Variants in CSMD1 observed in about 807,000 individuals in gnomAD.
CSMD1 encodes CUB and sushi domain-containing protein 1.
A neutral mutation model predicts 417.5 loss-of-function variants in CSMD1; 213 were observed. That is an observed-to-expected ratio of 0.51 (90% CI 0.46 to 0.57). The LOEUF (loss-of-function observed/expected upper bound fraction) is 0.57, where lower values mean the gene tolerates loss of function less well. Among genes scored for constraint, CSMD1 ranks in the 20% least tolerant of loss-of-function variants. CSMD1 has a pLI of 0.00. For synonymous variants in CSMD1, 2,862 were observed against 1,736.8 expected (o/e 1.65, Z -16.11); for missense variants, 6,923 against 4,529.7 (o/e 1.53, Z -15.17).
chr8:4,469,795 C>G (rs896782154), intron 2 of CSMD1, among the ~76,000 whole-genome samples: 3 of 152,108 alleles, frequency 2.0e-5, no homozygotes, highest in South Asian at 4.1e-4. Context: ...CCTCTGCTTA[C>G]AGCCTTCTCA....
chr8:3,000,663 T>G (rs576704257), intron 52 of CSMD1, among the ~76,000 whole-genome samples: 6 of 152,184 alleles, frequency 3.9e-5, no homozygotes, highest in Non-Finnish European at 8.8e-5. Context: ...AGCTGATGTC[T>G]GAGTAAAAAT....
At chr8:4,131,284 C>T (rs571854315) in intron 3 of CSMD1, among the ~76,000 whole-genome samples, 1 of 151,980 alleles carries the variant, frequency 6.6e-6, no homozygotes, top group Non-Finnish European at 1.5e-5. Context: ...ACTGAAGAGG[C>T]TGAATCTACA....
At chr8:3,121,807 C>T (rs147307006) in intron 41 of CSMD1, among the ~76,000 whole-genome samples, 2 of 151,948 alleles carry the variant, frequency 1.3e-5, no homozygotes, top group African/African-American at 4.8e-5. Context: ...TCATAAAAAG[C>T]AAGCAGACAA....
At chr8:4,567,506 A>C (rs1464560354) in intron 2 of CSMD1, among the ~76,000 whole-genome samples, 2 of 152,162 alleles carry the variant, frequency 1.3e-5, no homozygotes, top group Non-Finnish European at 2.9e-5. Flanking sequence ...TCCCACTCCA[A>C]CTTAGAAATC....
rs1208930261 is a variant in CSMD1 at position 4,146,593 on chromosome 8, C to CTT, written c.416-114495_416-114494insAA. On this transcript the variant is annotated intron_variant, in intron 3 of 69. Transcript: ENST00000635120. ...ATCTGTCTAAATGTTTATATGGACACATTTTTTTTTTTTTTTTTTTTTTTT... is the reference window on the plus strand; with the variant it reads ...ATCTGTCTAAATGTTTATATGGACACTTATTTTTTTTTTTTTTTTTTTTTTTT... 1.3e-3 allele frequency among the ~76,000 whole-genome samples: 117 copies of CTT among 90,758 alleles called. 23 individuals carry two copies. Among genetic ancestry groups the CTT allele is most frequent in the Admixed American group, 6.2e-3 (42 of 6,790 alleles). 59.5% of individuals were successfully genotyped at this position (90,758 alleles called of 152,430 possible). A position where few individuals can be genotyped will look rare whatever the true frequency, so the allele number is the denominator to read the frequency against.
At chr8:4,902,141 G>C (rs1466205937) in intron 1 of CSMD1, among the ~76,000 whole-genome samples, 4 of 152,112 alleles carry the variant, frequency 2.6e-5, no homozygotes, top group South Asian at 4.2e-4. Flanking sequence ...TTGTTAAAAA[G>C]AAAAATGCCT....
intron 2 of CSMD1, among the ~76,000 whole-genome samples, chr8:4,541,198 G>C (rs1797367659): frequency 6.6e-6 from 1 of 152,196 alleles, no homozygotes; most frequent in East Asian, 1.9e-4. Flanking sequence ...TGCATCTAGG[G>C]ACTGGAAGTC....
At chr8:3,800,628 G>A (rs1227694997) in intron 5 of CSMD1, among the ~76,000 whole-genome samples, 1 of 152,150 alleles carries the variant, frequency 6.6e-6, no homozygotes, top group Admixed American at 6.6e-5. Flanking sequence ...CCTAGAAGAG[G>A]TATTTGGGTT....
intron 18 of CSMD1, among the ~76,000 whole-genome samples, chr8:3,384,891 AATAT>A (rs1182629557): frequency 8.2e-6 from 1 of 122,290 alleles, no homozygotes; most frequent in Admixed American, 9.5e-5. Flanking sequence ...GCAAATATAT[AATAT>A]ATATTATATA....
chr8:4,117,653 C>T (rs1326950981), intron 3 of CSMD1, among the ~76,000 whole-genome samples: 1 of 152,194 alleles, frequency 6.6e-6, no homozygotes, highest in Non-Finnish European at 1.5e-5. Context: ...GCCCGCACTT[C>T]TGGGTGCCAA....
chr8:3,305,266 A>AGTGTT (rs985588229), intron 25 of CSMD1, among the ~76,000 whole-genome samples: 2 of 152,208 alleles, frequency 1.3e-5, no homozygotes, highest in African/African-American at 4.8e-5. Flanking sequence ...GCTATAACTT[A>AGTGTT]GTGTTGTCCC....
intron 3 of CSMD1, among the ~76,000 whole-genome samples, chr8:4,281,169 T>C (rs944109244): frequency 2.6e-5 from 4 of 152,200 alleles, no homozygotes; most frequent in Non-Finnish European, 5.9e-5. Flanking sequence ...CTGATGGTTT[T>C]CAGGTCAAAT....
At chr8:3,381,142 C>A (rs190323792) in intron 18 of CSMD1, among the ~76,000 whole-genome samples, 1 of 151,986 alleles carries the variant, frequency 6.6e-6, no homozygotes, top group South Asian at 2.1e-4. Context: ...GAACAGGGTG[C>A]GTTCACCCAT....
At chr8:3,635,460 G>A (rs1050483196) in intron 7 of CSMD1, among the ~76,000 whole-genome samples, 1 of 151,382 alleles carries the variant, frequency 6.6e-6, no homozygotes, top group Non-Finnish European at 1.5e-5. Context: ...CTCCAGCCTG[G>A]GCAATGGAGC....
chr8:4,427,053 C>A (rs1005260366), intron 2 of CSMD1, among the ~76,000 whole-genome samples: 3 of 151,866 alleles, frequency 2.0e-5, no homozygotes, highest in African/African-American at 7.3e-5. Flanking sequence ...ACGGAACAGC[C>A]CCAGAGAGCT....
At chr8:4,508,137 T>C (rs1484826381) in intron 2 of CSMD1, among the ~76,000 whole-genome samples, 13 of 138,184 alleles carry the variant, frequency 9.4e-5, no homozygotes, top group East Asian at 2.2e-4. Flanking sequence ...ATTGCAGATG[T>C]AGGAGGCAGG....
In CSMD1 at chr8:4,364,500, C is replaced by G. The variant is rs540656878; in HGVS notation, c.415+55453G>C. ...ATTTCCTCTCTTGCTTTCTAGAAGA[C>G]TCTACATTGTCAGTTAAAACATTTT... On this transcript the variant is annotated intron_variant, in intron 3 of 69. Transcript: ENST00000635120. 2.6e-5 allele frequency among the ~76,000 whole-genome samples: 4 copies of G among 152,276 alleles called. No homozygotes were observed. The South Asian group carries it at 8.3e-4, about 32-fold the overall frequency.
intron 23 of CSMD1, among the ~76,000 whole-genome samples, chr8:3,331,041 G>C (rs1010004951): frequency 6.6e-6 from 1 of 151,956 alleles, no homozygotes; most frequent in Non-Finnish European, 1.5e-5. Context: ...ACCAGGTCAG[G>C]ATATCGAGAC....
At chr8:4,955,945 C>A (rs545008361) in intron 1 of CSMD1, among the ~76,000 whole-genome samples, 2 of 152,176 alleles carry the variant, frequency 1.3e-5, no homozygotes, top group Admixed American at 1.3e-4. Flanking sequence ...AGATGAATGG[C>A]TGAGTTTGAG....
Sources: allele counts gnomAD v4.1 joint callset (sites outside exome capture counted in the v4.1 genomes callset), GRCh38; gene constraint gnomAD v4.1.1; transcripts MANE v1.5; gene names NCBI Gene and HGNC (gene_info 2026-07-23, HGNC 2026-07-21).